DCAF6: variants seen among roughly 807,000 people sequenced by gnomAD.
DCAF6 encodes DDB1- and CUL4-associated factor 6.
A neutral mutation model predicts 125.1 loss-of-function variants in DCAF6; 54 were observed. The ratio of observed to expected loss-of-function variants is 0.43; its 90% CI spans 0.35 to 0.54. The LOEUF (loss-of-function observed/expected upper bound fraction) is 0.54, where lower values mean the gene tolerates loss of function less well. Ranked by LOEUF, DCAF6 falls within the 20% of genes least tolerant of loss-of-function variation. The pLI is 0.01. For synonymous variants in DCAF6, 371 were observed against 390.4 expected (o/e 0.95, Z 0.58); for missense variants, 934 against 1,161.7 (o/e 0.80, Z 2.85).
upstream of DCAF6, among the ~76,000 whole-genome samples, chr1:167,933,569 G>A (rs1212992977): frequency 6.6e-6 from 1 of 152,132 alleles, no homozygotes; most frequent in African/African-American, 2.4e-5. Flanking sequence ...TGTTAATATT[G>A]TAGCATTTCA....
intron 1 of DCAF6, among the ~76,000 whole-genome samples, chr1:167,939,982 A>T (rs1671983112): frequency 6.6e-6 from 1 of 152,190 alleles, no homozygotes; most frequent in Non-Finnish European, 1.5e-5. Flanking sequence ...GCAGTGAATT[A>T]CTGCTAAATA....
chr1:168,024,091 C>T (rs1209382371), intron 12 of DCAF6: 2 of 151,686 alleles, frequency 1.3e-5, no homozygotes, highest in Non-Finnish European at 2.9e-5. Context: ...GTGGTGCATG[C>T]CTGTAGTCCC....
upstream of DCAF6, chr1:167,935,597 T>C (rs933578431): frequency 1.2e-5 from 8 of 680,194 alleles, no homozygotes; most frequent in Admixed American, 1.8e-4. Flanking sequence ...GCTAGGAGAG[T>C]AGACGGCTTC....
intron 17 of DCAF6, chr1:168,056,176 C>G (rs1343294195): frequency 1.9e-6 from 3 of 1,607,324 alleles, no homozygotes; most frequent in Non-Finnish European, 2.6e-6. Flanking sequence ...CTACAATAAA[C>G]AACATCTCCC....
intron 17 of DCAF6, among the ~76,000 whole-genome samples, chr1:168,055,337 T>TTTG (rs1553249384): frequency 1.6e-4 from 1 of 6,450 alleles, no homozygotes; most frequent in East Asian, 1.8e-3. Context: ...TTAAGTTTTT[T>TTTG]TTTTTTTTTT....
chr1:167,965,011 A>G (rs983969189), intron 2 of DCAF6, among the ~76,000 whole-genome samples: 1 of 152,202 alleles, frequency 6.6e-6, no homozygotes, highest in Admixed American at 6.5e-5. Context: ...CTGGTCTTAC[A>G]GTTCCAACAG....
At chr1:167,872,175 T>C in the DCAF6 span, among the ~76,000 whole-genome samples, 2 of 151,900 alleles carry the variant, frequency 1.3e-5, no homozygotes, top group Non-Finnish European at 2.9e-5. Flanking sequence ...CCCGTCTCTA[T>C]TAAAAATACA....
At chr1:167,954,216 G>C (rs1393732286) in intron 2 of DCAF6, among the ~76,000 whole-genome samples, 2 of 151,880 alleles carry the variant, frequency 1.3e-5, no homozygotes, top group African/African-American at 4.8e-5. Flanking sequence ...GTGTTGGCTA[G>C]GCTGGCCTCG....
rs749864251 is a variant in DCAF6 at position 168,004,781 on chromosome 1, C to T, written c.1366C>T (p.His456Tyr). 2.5e-6 allele frequency: 4 copies of T among 1,613,906 alleles called. No individual in the cohort carries two copies. The highest frequency in any genetic ancestry group is 1.3e-5 in the African/African-American group (1 of 75,062). The change falls in exon 10 of 22, where the codon CAT becomes TAT. Residue 456 changes from histidine (H) to tyrosine (Y), a missense_variant. His to Tyr is a moderately conservative substitution (Grantham distance 83, BLOSUM62 2). This residue lies in a region of DCAF6 where 559 missense variants were observed against 635.5 expected (regional missense o/e 0.88). Coordinates refer to ENST00000367840, the MANE Select transcript of DCAF6 (RefSeq NM_001198956.2). ...QSVEASGHHT[H>Y]HQSEFLRGPE... The stretch of plus-strand genomic sequence containing the variant: ...TGTTGAGGCATCTGGACACCACACA[C>T]ATCATCAGTCTGGTGAGGATAAGTA...
At chr1:167,938,467 T>TA (rs1393970078) in intron 1 of DCAF6, among the ~76,000 whole-genome samples, 1 of 152,220 alleles carries the variant, frequency 6.6e-6, no homozygotes, top group Non-Finnish European at 1.5e-5. Context: ...CGTTCGCCCT[T>TA]ACAGCATTTT....
At chr1:167,912,928 AG>A in the DCAF6 span, among the ~76,000 whole-genome samples, 1 of 152,246 alleles carries the variant, frequency 6.6e-6, no homozygotes, top group African/African-American at 2.4e-5. Flanking sequence ...TGGAATATCC[AG>A]GTCTGTGGGA....
Position 168,045,023 on chromosome 1 carries a change from C to G in DCAF6, c.2054C>G (p.Pro685Arg). The G allele has an allele frequency of 6.2e-7, 1 of 1,614,024 alleles. No homozygotes were observed. Among genetic ancestry groups the G allele is most frequent in the Non-Finnish European group, 8.5e-7 (1 of 1,179,956 alleles). ...GCTTCATCTGAAAAAGCCAAGGAACCAGAAACTTCAGATCAGACTAGCACT... is the reference window on the plus strand; with the variant it reads ...GCTTCATCTGAAAAAGCCAAGGAACGAGAAACTTCAGATCAGACTAGCACT... ...ESASSEKAKE[P>R]ETSDQTSTES... is the part of the protein sequence containing the mutation. Residue 685 changes from proline (P) to arginine (R), a missense_variant, in exon 16 of 22, where the codon CCA becomes CGA. Pro to Arg is a moderately radical substitution (Grantham distance 103). Around this residue, in one of 5 missense-constraint regions of DCAF6, gnomAD observed 559 missense variants for 635.5 expected, o/e 0.88. Coordinates refer to ENST00000367840, the MANE Select transcript of DCAF6 (RefSeq NM_001198956.2).
the DCAF6 span, among the ~76,000 whole-genome samples, chr1:167,887,057 A>G: frequency 6.6e-6 from 1 of 152,174 alleles, no homozygotes; most frequent in East Asian, 1.9e-4. Context: ...CAGGTGCTGG[A>G]GAGGATGTGG....
the DCAF6 span, among the ~76,000 whole-genome samples, chr1:167,898,616 A>G: frequency 6.6e-6 from 1 of 151,600 alleles, no homozygotes; most frequent in Non-Finnish European, 1.5e-5. Flanking sequence ...TTAAAAAAAG[A>G]ATGATTGAAG....
At chr1:167,974,392 G>A (rs1292520914) in intron 3 of DCAF6, among the ~76,000 whole-genome samples, 1 of 152,096 alleles carries the variant, frequency 6.6e-6, no homozygotes, top group Admixed American at 6.5e-5. Flanking sequence ...GACTTCTGCT[G>A]TGTCTTATGT....
At chr1:167,948,844 G>A (rs994443833) in intron 1 of DCAF6, among the ~76,000 whole-genome samples, 6 of 152,186 alleles carry the variant, frequency 3.9e-5, no homozygotes, top group South Asian at 2.1e-4. Context: ...TAGAGATGGG[G>A]TTTTGACATG....
chr1:168,029,719 G>C (rs1423647261), intron 12 of DCAF6, among the ~76,000 whole-genome samples: 4 of 152,116 alleles, frequency 2.6e-5, no homozygotes, highest in Non-Finnish European at 5.9e-5. Context: ...GGTGGCTCAC[G>C]CCTGTAATCC....
intron 12 of DCAF6, among the ~76,000 whole-genome samples, chr1:168,035,942 A>AC (rs529721091): frequency 3.9e-5 from 6 of 151,904 alleles, no homozygotes; most frequent in African/African-American, 1.4e-4. Flanking sequence ...GGTGCCTATA[A>AC]CCCCAGCTAC....
chr1:167,985,493 T>C (rs540098716), intron 4 of DCAF6, among the ~76,000 whole-genome samples: 2 of 152,224 alleles, frequency 1.3e-5, no homozygotes, highest in Non-Finnish European at 2.9e-5. Flanking sequence ...CTTGTCTCCT[T>C]CTCTGACTCT....
Sources: allele counts gnomAD v4.1 joint callset (sites outside exome capture counted in the v4.1 genomes callset), GRCh38; gene constraint gnomAD v4.1.1; regional missense constraint gnomAD v4.1.1; transcripts MANE v1.5; gene names NCBI Gene and HGNC (gene_info 2026-07-23, HGNC 2026-07-21).